The following SUSD6 variants were observed in gnomAD, a reference collection of about 807,000 sequenced individuals.
The protein encoded by SUSD6 is sushi domain-containing protein 6.
In SUSD6, 16 loss-of-function variants were observed where a neutral mutation model predicts 28.4. The ratio of observed to expected loss-of-function variants is 0.56; its 90% CI spans 0.38 to 0.86. The LOEUF is 0.86. Among genes scored for constraint, SUSD6 ranks in the 40% least tolerant of loss-of-function variants. The pLI is 0.00. For missense variants in SUSD6, 341 were observed against 384.2 expected (o/e 0.89, Z 0.94); for synonymous variants, 147 against 159.6 (o/e 0.92, Z 0.59).
intron 2 of SUSD6, among the ~76,000 whole-genome samples, chr14:69,672,739 C>T (rs1885852514): frequency 6.6e-6 from 1 of 152,220 alleles, no homozygotes; most frequent in African/African-American, 2.4e-5. Context: ...GCCAGTTTTG[C>T]TGCAGACCAA....
chr14:69,644,774 C>T (rs192621378), intron 1 of SUSD6, among the ~76,000 whole-genome samples: 2 of 152,200 alleles, frequency 1.3e-5, no homozygotes, highest in East Asian at 1.9e-4. Context: ...TCTATTTGGA[C>T]GTTTGAAGGA....
At chr14:69,652,229 T>C (rs2139609959) in intron 1 of SUSD6, among the ~76,000 whole-genome samples, 1 of 152,260 alleles carries the variant, frequency 6.6e-6, no homozygotes, top group South Asian at 2.1e-4. Context: ...GGCAGATCAC[T>C]TGAGGTCAGG....
At chr14:69,684,770 C>G (rs537526137) in intron 2 of SUSD6, among the ~76,000 whole-genome samples, 1 of 152,246 alleles carries the variant, frequency 6.6e-6, no homozygotes, top group African/African-American at 2.4e-5. Flanking sequence ...GCCTTGACTT[C>G]CCCTGCCAGG....
chr14:69,680,245 T>C lies in SUSD6; in HGVS notation c.121+21532T>C, dbSNP rs569217753. On this transcript the variant is annotated intron_variant, in intron 2 of 5. Coordinates refer to ENST00000342745, the MANE Select transcript of SUSD6 (RefSeq NM_014734.4). ...ACATGCCCCAGTTTCCACTGGATAC[T>C]TGAGTTTCTGTCAAGGCATCAGTGC... Among the ~76,000 whole-genome samples the C allele has an allele frequency of 5.9e-5, 9 of 152,322 alleles. No homozygotes were observed. The South Asian group carries it at 1.9e-3, about 32-fold the overall frequency.
chr14:69,646,937 G>A (rs925994091), intron 1 of SUSD6, among the ~76,000 whole-genome samples: 9 of 151,956 alleles, frequency 5.9e-5, no homozygotes, highest in East Asian at 1.9e-4. Flanking sequence ...TCCTGACCTC[G>A]TGATCCGCCC....
intron 1 of SUSD6, among the ~76,000 whole-genome samples, chr14:69,656,322 AT>A (rs1374167698): frequency 6.6e-6 from 1 of 152,050 alleles, no homozygotes; most frequent in Non-Finnish European, 1.5e-5. Context: ...CTGCTTAAAT[AT>A]TTTTTATACA....
At chr14:69,669,571 C>G (rs1304091437) in intron 2 of SUSD6, among the ~76,000 whole-genome samples, 1 of 152,180 alleles carries the variant, frequency 6.6e-6, no homozygotes, top group Non-Finnish European at 1.5e-5. Flanking sequence ...GCCACAGCTT[C>G]CTCTACCTCT....
chr14:69,616,385 A>G (rs1884960303), intron 1 of SUSD6, among the ~76,000 whole-genome samples: 1 of 152,242 alleles, frequency 6.6e-6, no homozygotes, highest in Non-Finnish European at 1.5e-5. Context: ...CCCTTTATGT[A>G]AACTGTCCTT....
chr14:69,699,539 C>CT (rs61008483), intron 2 of SUSD6, among the ~76,000 whole-genome samples: 3,268 of 136,746 alleles, frequency 0.024, 105 homozygotes, highest in African/African-American at 0.072. Context: ...AATGACTTGC[C>CT]TTTTTTTTTT....
At chr14:69,677,861 G>C (rs1379782528) in intron 2 of SUSD6, among the ~76,000 whole-genome samples, 1 of 152,132 alleles carries the variant, frequency 6.6e-6, no homozygotes, top group East Asian at 1.9e-4. Context: ...AAATACTATA[G>C]GCGAAAAGAA....
At chr14:69,705,402 G>C (rs114146120) in intron 4 of SUSD6, among the ~76,000 whole-genome samples, 1 of 151,958 alleles carries the variant, frequency 6.6e-6, no homozygotes, top group African/African-American at 2.4e-5. Context: ...TTCTCAAAGC[G>C]TGGTTCCAGC....
chr14:69,675,297 T>C (rs149956289), intron 2 of SUSD6, among the ~76,000 whole-genome samples: 67 of 152,272 alleles, frequency 4.4e-4, no homozygotes, highest in African/African-American at 1.6e-3. Context: ...CCAGGCAATA[T>C]ATATGCAAGC....
intron 2 of SUSD6, 111 bp downstream of exon 2, chr14:69,658,824 C>G (rs1885622832): frequency 7.1e-7 from 1 of 1,415,626 alleles, no homozygotes; most frequent in Non-Finnish European, 9.9e-7. Flanking sequence ...TCAGGGAGAG[C>G]AGAGGGTGGA....
At chr14:69,665,215 G>A (rs541240313) in intron 2 of SUSD6, among the ~76,000 whole-genome samples, 10 of 152,262 alleles carry the variant, frequency 6.6e-5, no homozygotes, top group South Asian at 2.1e-4. Flanking sequence ...ATGAAAATCC[G>A]AATTCACTGA....
In SUSD6 at chr14:69,714,920, A is replaced by G. The variant is rs999217201; in HGVS notation, c.*3941A>G. 6.6e-6 allele frequency: 1 copy of G among 152,160 alleles called. No homozygotes were observed. Among genetic ancestry groups the G allele is most frequent in the African/African-American group, 2.4e-5 (1 of 41,428 alleles). 9.4% of individuals were successfully genotyped at this position (152,160 alleles called of 1,614,324 possible). A position where few individuals can be genotyped will look rare whatever the true frequency, so the allele number is the denominator to read the frequency against. On this transcript the variant is annotated 3_prime_UTR_variant, in exon 6 of 6. Coordinates refer to ENST00000342745, the MANE Select transcript of SUSD6 (RefSeq NM_014734.4). ...ATCCTTTGCAGAATGGTACTCATAT[A>G]ATGGTTTAAAACAACACATTCATAA...
At position 69,713,537 on chromosome 14, in the gene SUSD6, C is replaced by G. The variant is rs1032235627; in HGVS notation, c.*2558C>G. The G allele has an allele frequency of 1.3e-5, 2 of 152,330 alleles. No individual in the cohort carries two copies. The highest frequency in any genetic ancestry group is 1.5e-5 in the Non-Finnish European group (1 of 68,126). The allele number at this position is 152,330 out of a possible 1,614,324, so 9.4% of individuals were successfully genotyped here. ...CAATTTCTTAACCATCAGCCATGTG[C>G]TGCTATTTCTAGGGCTTCTGGGCTT... is the stretch of plus-strand genomic sequence containing the variant. On this transcript the variant is annotated 3_prime_UTR_variant, in exon 6 of 6. Coordinates refer to ENST00000342745, the MANE Select transcript of SUSD6 (RefSeq NM_014734.4).
chr14:69,612,626 C>T (rs1254492851), intron 1 of SUSD6, among the ~76,000 whole-genome samples: 2 of 152,022 alleles, frequency 1.3e-5, no homozygotes, highest in East Asian at 1.9e-4. Context: ...AGCAAAGAGG[C>T]GTCAAAATAA....
At chr14:69,616,756 T>C (rs2139588318) in intron 1 of SUSD6, among the ~76,000 whole-genome samples, 1 of 152,314 alleles carries the variant, frequency 6.6e-6, no homozygotes, top group East Asian at 1.9e-4. Flanking sequence ...TTTTTCCATC[T>C]TCAGATGGTA....
At chr14:69,640,898 T>A (rs1885342084) in intron 1 of SUSD6, among the ~76,000 whole-genome samples, 1 of 152,232 alleles carries the variant, frequency 6.6e-6, no homozygotes, top group African/African-American at 2.4e-5. Flanking sequence ...ATATAAAACA[T>A]GGGTAAATGC....
Sources: gnomAD v4.1 joint callset for allele counts (sites outside exome capture counted in the v4.1 genomes callset) on GRCh38, gnomAD v4.1.1 for gene constraint, MANE v1.5 for transcripts, NCBI Gene and HGNC (gene_info 2026-07-23, HGNC 2026-07-21) for gene names.